The following ZNF385D variants were observed in gnomAD, a reference collection of about 807,000 sequenced individuals.
ZNF385D encodes zinc finger protein 385D, also known as zinc finger protein 659.
In ZNF385D, 15 loss-of-function variants were observed where a neutral mutation model predicts 35.8. That is an observed-to-expected ratio of 0.42 (90% CI 0.28 to 0.64). The LOEUF (loss-of-function observed/expected upper bound fraction) is 0.64, where lower values mean the gene tolerates loss of function less well. ZNF385D is among the 30% of genes least tolerant of loss of function. ZNF385D has a pLI of 0.23. For synonymous variants in ZNF385D, 212 were observed against 186.8 expected (o/e 1.13, Z -1.10); for missense variants, 474 against 494.6 (o/e 0.96, Z 0.39).
At chr3:22,010,563 A>C (rs921628832) in intron 3 of ZNF385D, among the ~76,000 whole-genome samples, 26 of 152,216 alleles carry the variant, frequency 1.7e-4, no homozygotes, top group Non-Finnish European at 2.4e-4. Flanking sequence ...AATATGACAC[A>C]GTTGAGATAA....
chr3:21,877,468 A>G (rs977986141), intron 3 of ZNF385D, among the ~76,000 whole-genome samples: 8 of 152,088 alleles, frequency 5.3e-5, no homozygotes, highest in African/African-American at 1.9e-4. Context: ...AGTGTCACAC[A>G]CACTTTGGTA....
At chr3:21,721,262 A>G (rs1287204192) in intron 1 of ZNF385D, among the ~76,000 whole-genome samples, 9 of 152,068 alleles carry the variant, frequency 5.9e-5, no homozygotes, top group Admixed American at 5.2e-4. Flanking sequence ...TCCATTTAAG[A>G]TTCTTACCTT....
chr3:22,034,568 G>A (rs980256337), intron 3 of ZNF385D, among the ~76,000 whole-genome samples: 1 of 152,094 alleles, frequency 6.6e-6, no homozygotes, highest in Admixed American at 6.6e-5. Flanking sequence ...AATTTGAATT[G>A]TAAAAATATG....
chr3:22,108,866 G>T (rs1479697353), intron 3 of ZNF385D, among the ~76,000 whole-genome samples: 1 of 152,046 alleles, frequency 6.6e-6, no homozygotes, highest in Non-Finnish European at 1.5e-5. Context: ...TACAAAATTA[G>T]CTGTGTGCGG....
chr3:22,073,329 TG>T (rs908198775), intron 3 of ZNF385D, among the ~76,000 whole-genome samples: 15 of 136,508 alleles, frequency 1.1e-4, no homozygotes, highest in African/African-American at 3.5e-4. Context: ...AAACAGACAG[TG>T]AAAAAAAAAA....
intron 3 of ZNF385D, among the ~76,000 whole-genome samples, chr3:21,796,457 T>C (rs1025714232): frequency 5.9e-5 from 9 of 152,188 alleles, no homozygotes; most frequent in Non-Finnish European, 1.0e-4. Flanking sequence ...GGATTTATCC[T>C]AGGTAGGCAA....
chr3:21,625,235 C>G (rs1312101809), intron 2 of ZNF385D, among the ~76,000 whole-genome samples: 1 of 152,022 alleles, frequency 6.6e-6, no homozygotes, highest in Non-Finnish European at 1.5e-5. Flanking sequence ...CTTCCTAAGT[C>G]TTCCCAAGGT....
chr3:21,653,920 A>G (rs1013203613), intron 2 of ZNF385D, among the ~76,000 whole-genome samples: 1 of 152,092 alleles, frequency 6.6e-6, no homozygotes, highest in Non-Finnish European at 1.5e-5. Context: ...GCTTTGCAAC[A>G]TACTATGTGG....
chr3:21,509,187 A>G (rs1385649738), intron 4 of ZNF385D, among the ~76,000 whole-genome samples: 2 of 152,174 alleles, frequency 1.3e-5, no homozygotes, highest in Non-Finnish European at 2.9e-5. Context: ...TAACCCAAAG[A>G]TGAATTGTTG....
intron 1 of ZNF385D, among the ~76,000 whole-genome samples, chr3:21,667,017 C>T (rs1430742756): frequency 1.3e-5 from 2 of 152,148 alleles, no homozygotes; most frequent in Non-Finnish European, 2.9e-5. Flanking sequence ...GCAGAGGTTG[C>T]AGTAAGCCGA....
At chr3:22,229,213 G>T (rs1698738740) in intron 2 of ZNF385D, among the ~76,000 whole-genome samples, 1 of 151,992 alleles carries the variant, frequency 6.6e-6, no homozygotes, top group Non-Finnish European at 1.5e-5. Context: ...TTTGTTTTCA[G>T]TCCTAAAACA....
intron 1 of ZNF385D, among the ~76,000 whole-genome samples, chr3:21,714,607 A>G (rs539996844): frequency 6.6e-6 from 1 of 152,322 alleles, no homozygotes; most frequent in Non-Finnish European, 1.5e-5. Flanking sequence ...CGTTTGCATC[A>G]TAAGTTTTTC....
chr3:22,091,840 TTA>T (rs1701347729), intron 3 of ZNF385D, among the ~76,000 whole-genome samples: 1 of 152,226 alleles, frequency 6.6e-6, no homozygotes, highest in South Asian at 2.1e-4. Flanking sequence ...TGTTTTTATT[TTA>T]TATACAAGTG....
chr3:22,113,288 G>A (rs1015214249), intron 3 of ZNF385D, among the ~76,000 whole-genome samples: 1 of 152,068 alleles, frequency 6.6e-6, no homozygotes, highest in Non-Finnish European at 1.5e-5. Context: ...TTAACATGAA[G>A]ATAATAGGTA....
chr3:22,118,860 C>A (rs1347455190), intron 3 of ZNF385D, among the ~76,000 whole-genome samples: 1 of 152,066 alleles, frequency 6.6e-6, no homozygotes. Flanking sequence ...GAGCATTTCA[C>A]ATGTACTTTC....
chr3:21,792,493 C>T (rs7643485), intron 3 of ZNF385D, among the ~76,000 whole-genome samples: 64 of 152,198 alleles, frequency 4.2e-4, no homozygotes, highest in Non-Finnish European at 7.8e-4. Context: ...TTGAGTATTC[C>T]GCTGGAGACC....
At chr3:22,208,246 G>A (rs1697285402) in intron 2 of ZNF385D, among the ~76,000 whole-genome samples, 1 of 151,856 alleles carries the variant, frequency 6.6e-6, no homozygotes, top group African/African-American at 2.4e-5. Context: ...ACAATGGAGA[G>A]CTATTTGGTC....
At chr3:22,032,290 C>G (rs1180650580) in intron 3 of ZNF385D, among the ~76,000 whole-genome samples, 1 of 152,130 alleles carries the variant, frequency 6.6e-6, no homozygotes, top group African/African-American at 2.4e-5. Context: ...CTGGGGAGGA[C>G]TCAGGAAACT....
intron 2 of ZNF385D, among the ~76,000 whole-genome samples, chr3:22,323,621 A>G (rs753426472): frequency 1.7e-4 from 26 of 152,342 alleles, no homozygotes; most frequent in Non-Finnish European, 3.2e-4. Context: ...ACATTGTTTT[A>G]TTCTTAAAGA....
Sources: gnomAD v4.1 joint callset for allele counts (sites outside exome capture counted in the v4.1 genomes callset) on GRCh38, gnomAD v4.1.1 for gene constraint, MANE v1.5 for transcripts, NCBI Gene and HGNC (gene_info 2026-07-23, HGNC 2026-07-21) for gene names.